The following SFMBT2 variants were observed in gnomAD, a reference collection of about 807,000 sequenced individuals.
SFMBT2 encodes the protein Scm like with four mbt domains 2.
A neutral mutation model predicts 110.1 loss-of-function variants in SFMBT2; 38 were observed. The ratio of observed to expected loss-of-function variants is 0.35; its 90% CI spans 0.27 to 0.45. SFMBT2 has a LOEUF of 0.45. Ranked by LOEUF, SFMBT2 falls within the 20% of genes least tolerant of loss-of-function variation. The pLI is 1.00. For missense variants in SFMBT2, 1,011 were observed against 1,094.9 expected (o/e 0.92, Z 1.08); for synonymous variants, 425 against 425.4 (o/e 1.00, Z 0.01).
chr10:7,390,815 C>T (rs1845742484), intron 1 of SFMBT2, among the ~76,000 whole-genome samples: 1 of 152,204 alleles, frequency 6.6e-6, no homozygotes, highest in Non-Finnish European at 1.5e-5. Context: ...AAATAGAACT[C>T]AAGGCCTGGT....
intron 9 of SFMBT2, among the ~76,000 whole-genome samples, chr10:7,231,170 C>A (rs532450921): frequency 6.6e-6 from 1 of 152,176 alleles, no homozygotes; most frequent in Non-Finnish European, 1.5e-5. Flanking sequence ...AGAAGACTCA[C>A]GACTCCATCT....
chr10:7,184,975 G>A (rs775825982), intron 16 of SFMBT2, among the ~76,000 whole-genome samples: 2 of 152,156 alleles, frequency 1.3e-5, no homozygotes, highest in Non-Finnish European at 2.9e-5. Flanking sequence ...CTCATTCTTG[G>A]TCACTGGACT....
intron 1 of SFMBT2, among the ~76,000 whole-genome samples, chr10:7,393,853 G>A (rs1845848406): frequency 6.6e-6 from 1 of 152,140 alleles, no homozygotes; most frequent in African/African-American, 2.4e-5. Context: ...ACAGGGACTT[G>A]GTCCTGAGAC....
At chr10:7,206,785 A>G (rs1839150358) in intron 11 of SFMBT2, 2 of 875,328 alleles carry the variant, frequency 2.3e-6, no homozygotes, top group Non-Finnish European at 2.7e-6. Flanking sequence ...AGTTAAAAGA[A>G]GAAAATTCGA....
chr10:7,399,055 T>G (rs901731226), intron 1 of SFMBT2, among the ~76,000 whole-genome samples: 14 of 152,084 alleles, frequency 9.2e-5, no homozygotes, highest in Non-Finnish European at 1.9e-4. Context: ...CCAAAAGAAG[T>G]TATTCTCCCA....
intron 4 of SFMBT2, among the ~76,000 whole-genome samples, chr10:7,312,818 G>A (rs1251334499): frequency 6.6e-6 from 1 of 152,178 alleles, no homozygotes; most frequent in Non-Finnish European, 1.5e-5. Flanking sequence ...TGCTGAAACT[G>A]AGATTTTAAT....
At chr10:7,205,771 G>C in intron 12 of SFMBT2, 44 bp downstream of exon 12, 1 of 1,584,250 alleles carries the variant, frequency 6.3e-7, no homozygotes, top group South Asian at 1.1e-5. Flanking sequence ...TATTCACAAA[G>C]ATCACTGGTG....
intron 4 of SFMBT2, among the ~76,000 whole-genome samples, chr10:7,333,322 C>A (rs1190449399): frequency 6.6e-6 from 1 of 151,774 alleles, no homozygotes; most frequent in Non-Finnish European, 1.5e-5. Context: ...TTTAAGGACA[C>A]ACCATAATGC....
intron 4 of SFMBT2, among the ~76,000 whole-genome samples, chr10:7,290,321 T>C (rs1398460663): frequency 6.6e-6 from 1 of 152,068 alleles, no homozygotes; most frequent in Non-Finnish European, 1.5e-5. Flanking sequence ...TTCAAGGTTT[T>C]ACTTAGTTAT....
intron 13 of SFMBT2, among the ~76,000 whole-genome samples, chr10:7,200,727 G>C (rs1248202965): frequency 2.0e-5 from 3 of 152,224 alleles, no homozygotes; most frequent in African/African-American, 4.8e-5. Flanking sequence ...TGAGCAGCTG[G>C]TCCTGATCAG....
intron 4 of SFMBT2, among the ~76,000 whole-genome samples, chr10:7,327,380 C>T (rs1247395837): frequency 3.9e-5 from 6 of 152,180 alleles, no homozygotes; most frequent in Admixed American, 3.9e-4. Context: ...ATCCTTCCTC[C>T]ACCTCAACCC....
chr10:7,227,779 T>C (rs1839938120), intron 10 of SFMBT2, 76 bp downstream of exon 10: 5 of 1,331,764 alleles, frequency 3.8e-6, no homozygotes, highest in South Asian at 1.2e-5. Context: ...GCTTCATCAA[T>C]AAAAAGCAAG....
At chr10:7,244,295 A>C in intron 8 of SFMBT2, 33 of 231,400 alleles carry the variant, frequency 1.4e-4, no homozygotes, top group Non-Finnish European at 2.1e-4. Flanking sequence ...GGTACATCTC[A>C]TATTTCAATG....
chr10:7,243,510 A>G (rs1259514920), intron 9 of SFMBT2, 48 bp downstream of exon 9: 2 of 865,556 alleles, frequency 2.3e-6, no homozygotes, highest in South Asian at 2.6e-5. Context: ...TGACAGTAAG[A>G]CACCCTCCTG....
chr10:7,312,336 C>T (rs1842881262), intron 4 of SFMBT2, among the ~76,000 whole-genome samples: 1 of 152,198 alleles, frequency 6.6e-6, no homozygotes, highest in African/African-American at 2.4e-5. Context: ...CCACCCAACG[C>T]AGCCAAACTA....
chr10:7,330,084 C>T (rs569675900), intron 4 of SFMBT2, among the ~76,000 whole-genome samples: 9 of 152,288 alleles, frequency 5.9e-5, no homozygotes, highest in South Asian at 2.1e-4. Context: ...GAACCCTTCT[C>T]GGCTGCTAAA....
intron 2 of SFMBT2, among the ~76,000 whole-genome samples, chr10:7,375,762 C>A (rs564042343): frequency 8.1e-6 from 1 of 123,294 alleles, no homozygotes; most frequent in Non-Finnish European, 1.6e-5. Flanking sequence ...CACACACACA[C>A]ACACACACAC....
At chr10:7,307,131 A>G (rs973377522) in intron 4 of SFMBT2, among the ~76,000 whole-genome samples, 2 of 152,256 alleles carry the variant, frequency 1.3e-5, no homozygotes, top group Non-Finnish European at 2.9e-5. Flanking sequence ...TATAAGAATA[A>G]ATCTTCTAAA....
At chr10:7,382,192 T>G (rs568913588) in intron 1 of SFMBT2, among the ~76,000 whole-genome samples, 1 of 152,120 alleles carries the variant, frequency 6.6e-6, no homozygotes, top group African/African-American at 2.4e-5. Flanking sequence ...GGTGGATCAC[T>G]TGAGGTCAGG....
Sources: gnomAD v4.1 joint callset for allele counts (sites outside exome capture counted in the v4.1 genomes callset) on GRCh38, gnomAD v4.1.1 for gene constraint, MANE v1.5 for transcripts, NCBI Gene and HGNC (gene_info 2026-07-23, HGNC 2026-07-21) for gene names.